The following IQGAP2 variants were observed in gnomAD, a reference collection of about 807,000 sequenced individuals.
IQGAP2 encodes IQ motif containing GTPase activating protein 2.
Under a neutral mutation model 201.3 loss-of-function variants are expected in IQGAP2, and 173 were observed. That is an observed-to-expected ratio of 0.86 (90% CI 0.76 to 0.98). The LOEUF (loss-of-function observed/expected upper bound fraction) is 0.98. Ranked by LOEUF, IQGAP2 falls within the 50% of genes least tolerant of loss-of-function variation. IQGAP2 has a pLI of 0.00. For missense variants in IQGAP2, 1,687 were observed against 1,864.8 expected, an observed-to-expected ratio of 0.90 and a Z score of 1.76; for synonymous variants, 675 against 673.9, an observed-to-expected ratio of 1.00 and a Z score of -0.03.
intron 30 of IQGAP2, among the ~76,000 whole-genome samples, chr5:76,689,283 G>A (rs71630930): frequency 8.0e-6 from 1 of 125,270 alleles, no homozygotes. Context: ...TAAAAACCTA[G>A]TCGAGGGGTC....
intron 15 of IQGAP2, among the ~76,000 whole-genome samples, chr5:76,634,101 A>G (rs1265725176): frequency 6.6e-6 from 1 of 152,056 alleles, no homozygotes; most frequent in East Asian, 1.9e-4. Context: ...AATCATTTTT[A>G]GTAAATTTCT....
intron 13 of IQGAP2, chr5:76,623,138 C>G (rs1749873191): frequency 1.2e-6 from 2 of 1,609,776 alleles, no homozygotes; most frequent in Non-Finnish European, 1.7e-6. Flanking sequence ...ACCCACATCC[C>G]CATCCTACCC....
intron 4 of IQGAP2, among the ~76,000 whole-genome samples, chr5:76,573,080 A>AT (rs373274461): frequency 4.3e-4 from 66 of 152,296 alleles, no homozygotes; most frequent in Middle Eastern, 3.4e-3. Context: ...ATATTTCTGG[A>AT]TTGTGATTTA....
In IQGAP2 at chr5:76,403,636, TC is replaced by T; in HGVS notation, c.46+48del. 7.0e-7 allele frequency: 1 copy of T among 1,427,926 alleles called. No individual in the cohort carries two copies. 88.5% of individuals were successfully genotyped at this position (1,427,926 alleles called of 1,614,324 possible). ...GGGGTTCCTGCTGGCCTTGGGGAGC[TC>T]CCTCCCCGAGGACGGCGTTGGAGAA... On this transcript the variant is annotated intron_variant, in intron 1 of 35. Coordinates refer to ENST00000274364, the MANE Select transcript of IQGAP2 (RefSeq NM_006633.5). The surrounding 1 kb of genome is among the most constrained non-coding windows in gnomAD (Gnocchi z 4.8).
At chr5:76,605,530 G>A (rs966633149) in intron 11 of IQGAP2, among the ~76,000 whole-genome samples, 49 of 152,098 alleles carry the variant, frequency 3.2e-4, no homozygotes, top group Non-Finnish European at 5.9e-5. Flanking sequence ...GGAGCCTTTG[G>A]AGAAATGGGC....
intron 17 of IQGAP2, among the ~76,000 whole-genome samples, chr5:76,645,682 A>G (rs1247537408): frequency 6.6e-6 from 1 of 152,140 alleles, no homozygotes; most frequent in Non-Finnish European, 1.5e-5. Context: ...AGGAGCAAAA[A>G]AATTATATTC....
intron 15 of IQGAP2, among the ~76,000 whole-genome samples, chr5:76,633,124 C>A (rs2150387396): frequency 6.6e-6 from 1 of 152,320 alleles, no homozygotes; most frequent in South Asian, 2.1e-4. Flanking sequence ...AGTTCATCTT[C>A]TGTCTCCTAA....
intron 7 of IQGAP2, 56 bp downstream of exon 7, chr5:76,589,784 C>T: frequency 1.1e-6 from 1 of 876,856 alleles, no homozygotes. Flanking sequence ...CTGTACTTTA[C>T]CTATTGATTT....
chr5:76,654,157 C>T, intron 18 of IQGAP2, 43 bp from the exon 19 acceptor site: 2 of 1,378,186 alleles, frequency 1.5e-6, no homozygotes, highest in Non-Finnish European at 1.0e-6. Flanking sequence ...TGACTTTTCT[C>T]TTTATTTTTT....
intron 13 of IQGAP2, among the ~76,000 whole-genome samples, chr5:76,622,640 A>G (rs1040739328): frequency 6.6e-6 from 1 of 152,218 alleles, no homozygotes; most frequent in Non-Finnish European, 1.5e-5. Flanking sequence ...TTTAAAATTA[A>G]AAAATCATAT....
At chr5:76,562,234 C>G (rs1322255200) in intron 2 of IQGAP2, among the ~76,000 whole-genome samples, 162 bp from the exon 3 acceptor site, 1 of 152,178 alleles carries the variant, frequency 6.6e-6, no homozygotes, top group Non-Finnish European at 1.5e-5. Flanking sequence ...TCAAAATCCC[C>G]ATTCCACCCA....
chr5:76,576,981 T>A (rs1745511883), intron 5 of IQGAP2, among the ~76,000 whole-genome samples: 1 of 152,248 alleles, frequency 6.6e-6, no homozygotes, highest in Non-Finnish European at 1.5e-5. Context: ...TTGTGTTGCC[T>A]GATATTCTTT....
rs932601424 is a variant in IQGAP2 at position 76,701,081 on chromosome 5, C to T, written c.4373C>T (p.Thr1458Ile). ...TCLDNLKRKN[T>I]RRSIKLDGKG... ...TTCTGTTCTTATTTTGTCAGAAATA[C>T]TCGGAGATCAATTAAACTAGATGGA... Residue 1458 changes from threonine (T) to isoleucine (I), a missense_variant, in exon 34 of 36, where the codon ACT (threonine) becomes ATT (isoleucine). Physicochemically the swap from Thr to Ile is moderately conservative, Grantham distance 89. Coordinates refer to ENST00000274364, the MANE Select transcript of IQGAP2 (RefSeq NM_006633.5). 2 of 1,614,070 alleles carry T rather than the reference C, an allele frequency of 1.2e-6. No individual in the cohort carries two copies. The highest frequency in any genetic ancestry group is 3.3e-5 in the Admixed American group (2 of 60,012).
chr5:76,673,954 A>G lies in IQGAP2; in HGVS notation c.3212A>G (p.Tyr1071Cys), dbSNP rs777827442. 5 of 1,557,620 alleles carry G rather than the reference A, an allele frequency of 3.2e-6. No individual in the cohort carries two copies. Among genetic ancestry groups the G allele is most frequent in the Non-Finnish European group, 4.4e-6 (5 of 1,129,588 alleles). Residue 1071 changes from tyrosine (Y) to cysteine (C), a missense_variant and splice_region_variant, in exon 26 of 36, where the codon TAT (tyrosine) becomes TGT (cysteine). By Grantham distance (194) the Tyr-to-Cys change is radical. Transcript: ENST00000274364. ...SIISSLDLLP[Y>C]GLRYIAKVLK... Reference sequence around the variant, plus strand: ...TTTGTCATCTGTTTTATATGTAGTTATGGATTGAGGTATATAGCCAAAGTA... The same window carrying G: ...TTTGTCATCTGTTTTATATGTAGTTGTGGATTGAGGTATATAGCCAAAGTA...
At chr5:76,670,439 A>G (rs377213156) in intron 23 of IQGAP2, among the ~76,000 whole-genome samples, 1 of 152,130 alleles carries the variant, frequency 6.6e-6, no homozygotes, top group East Asian at 1.9e-4. Flanking sequence ...GTGTGAACCC[A>G]GGAGGCAGAG....
chr5:76,576,704 T>A (rs376493070), intron 5 of IQGAP2, among the ~76,000 whole-genome samples: 1 of 152,224 alleles, frequency 6.6e-6, no homozygotes, highest in East Asian at 1.9e-4. Flanking sequence ...TTATGTCATA[T>A]AATTTGACTT....
intron 1 of IQGAP2, among the ~76,000 whole-genome samples, chr5:76,430,649 C>T (rs1437411606): frequency 6.6e-6 from 1 of 152,188 alleles, no homozygotes; most frequent in African/African-American, 2.4e-5. Flanking sequence ...AAGGGACCCA[C>T]CTCTCACTGG....
At chr5:76,542,459 A>G (rs1742841716) in intron 2 of IQGAP2, among the ~76,000 whole-genome samples, 1 of 152,178 alleles carries the variant, frequency 6.6e-6, no homozygotes, top group Admixed American at 6.5e-5. Context: ...TCACCCCTGC[A>G]GGTATCTGTT....
At position 76,643,877 on chromosome 5, in the gene IQGAP2, TC is replaced by T. The variant is rs1340727994; in HGVS notation, c.2094+2776del. 2.6e-5 allele frequency among the ~76,000 whole-genome samples: 4 copies of T among 152,046 alleles called. No homozygotes were observed. The East Asian group carries it at 5.8e-4, about 22-fold the overall frequency. ...GAAGGGGATGGCCTGGGAGAGTCGG[TC>T]CTCAGTTGTTTTAATGTAACCGACT... On this transcript the variant is annotated intron_variant, in intron 17 of 35. Transcript: ENST00000274364.
Sources: allele counts gnomAD v4.1 joint callset (sites outside exome capture counted in the v4.1 genomes callset), GRCh38; gene constraint gnomAD v4.1.1; non-coding constraint Gnocchi (gnomAD v3.1); transcripts MANE v1.5; gene names NCBI Gene and HGNC (gene_info 2026-07-23, HGNC 2026-07-21).